Variants in GMDS observed in about 807,000 individuals in gnomAD.
GMDS encodes the protein GDP-mannose 4,6-dehydratase.
Under a neutral mutation model 49.9 loss-of-function variants are expected in GMDS, and 20 were observed. The observed-to-expected ratio is 0.40, with a 90% confidence interval of 0.28 to 0.58. The LOEUF (loss-of-function observed/expected upper bound fraction) is 0.58, where lower values mean the gene tolerates loss of function less well. Among genes scored for constraint, GMDS ranks in the 20% least tolerant of loss-of-function variants. The pLI, the probability that GMDS is intolerant of heterozygous loss-of-function variation, is 0.42. For missense variants in GMDS, 362 were observed against 481.4 expected (o/e 0.75, Z 2.32); for synonymous variants, 177 against 178.6 (o/e 0.99, Z 0.07).
intron 9 of GMDS, among the ~76,000 whole-genome samples, chr6:1,674,365 T>C (rs1581441807): frequency 6.6e-6 from 1 of 152,090 alleles, no homozygotes; most frequent in South Asian, 2.1e-4. Flanking sequence ...AGGTTGTTCA[T>C]TTTCTTGTGG....
intron 1 of GMDS, among the ~76,000 whole-genome samples, chr6:2,183,185 G>T (rs1778632657): frequency 3.9e-5 from 6 of 152,098 alleles, no homozygotes; most frequent in Non-Finnish European, 8.8e-5. Flanking sequence ...TTTAAGAAAT[G>T]CATTTTTCTT....
intron 7 of GMDS, among the ~76,000 whole-genome samples, chr6:1,752,155 T>G (rs1343277893): frequency 6.6e-6 from 1 of 152,120 alleles, no homozygotes; most frequent in Non-Finnish European, 1.5e-5. Flanking sequence ...TTAGATGAAT[T>G]GCTAACTAGA....
At chr6:1,925,667 G>A (rs1474910926) in intron 7 of GMDS, among the ~76,000 whole-genome samples, 1 of 152,184 alleles carries the variant, frequency 6.6e-6, no homozygotes, top group East Asian at 1.9e-4. Context: ...TTCATCTGAA[G>A]GTTTACTAAA....
At position 1,632,751 on chromosome 6, in the gene GMDS, T is replaced by C. The variant is rs531129452; in HGVS notation, c.988-8211A>G. Among the ~76,000 whole-genome samples, 5 of 152,280 alleles carry C rather than the reference T, an allele frequency of 3.3e-5. No individual in the cohort carries two copies. In the South Asian group the frequency reaches 1.0e-3, roughly 32 times the overall value. ...AAAATTAGCTGGGTGTGGTGGCACT[T>C]GCCTGTGGTCCCAGCTACTTGGGAG... On this transcript the variant is annotated intron_variant, in intron 9 of 10. Transcript: ENST00000380815.
rs1014451433 is a variant in GMDS at position 1,784,856 on chromosome 6, G to A, written c.772-42270C>T. On this transcript the variant is annotated intron_variant, in intron 7 of 10. Transcript: ENST00000380815. ...CAAGCTACAACTGTTATGCCTTTGC[G>A]GATCTGACTGAGGGAGCACTGCAGA... Among the ~76,000 whole-genome samples, 9 of 152,280 alleles carry A rather than the reference G, an allele frequency of 5.9e-5. No individual in the cohort carries two copies. The South Asian group carries it at 1.2e-3, about 21-fold the overall frequency.
intron 4 of GMDS, among the ~76,000 whole-genome samples, chr6:2,114,804 C>T (rs189795555): frequency 4.5e-4 from 69 of 152,190 alleles, no homozygotes; most frequent in African/African-American, 1.6e-3. Flanking sequence ...TTATCTAGTT[C>T]ATGATTTCTT....
At chr6:1,941,782 T>A (rs1297910241) in intron 6 of GMDS, among the ~76,000 whole-genome samples, 1 of 152,008 alleles carries the variant, frequency 6.6e-6, no homozygotes, top group Non-Finnish European at 1.5e-5. Context: ...AAGGAGGTGG[T>A]AGCAGACAGG....
intron 4 of GMDS, among the ~76,000 whole-genome samples, chr6:2,022,247 C>T (rs1000351914): frequency 6.8e-6 from 1 of 147,642 alleles, no homozygotes; most frequent in Admixed American, 6.9e-5. Context: ...AAATTTAAAG[C>T]AAATATATCA....
intron 7 of GMDS, among the ~76,000 whole-genome samples, chr6:1,832,958 G>A (rs1163522498): frequency 6.6e-6 from 1 of 151,920 alleles, no homozygotes; most frequent in Non-Finnish European, 1.5e-5. Flanking sequence ...AAAACATTCA[G>A]GCCACACGAG....
chr6:1,922,279 T>C (rs1761752815), intron 7 of GMDS, among the ~76,000 whole-genome samples: 1 of 152,242 alleles, frequency 6.6e-6, no homozygotes. Flanking sequence ...ATGAGACAGA[T>C]ACAACCTCAC....
At chr6:2,022,006 T>G (rs184579790) in intron 4 of GMDS, among the ~76,000 whole-genome samples, 1 of 152,240 alleles carries the variant, frequency 6.6e-6, no homozygotes, top group Non-Finnish European at 1.5e-5. Context: ...AGCCAAAGGA[T>G]GAGAAAAGCT....
At chr6:1,762,864 TCGAGA>T (rs1768214198) in intron 7 of GMDS, among the ~76,000 whole-genome samples, 2 of 152,220 alleles carry the variant, frequency 1.3e-5, no homozygotes, top group Admixed American at 1.3e-4. Flanking sequence ...TTTCTTTGCT[TCGAGA>T]CATTAGGGAA....
intron 7 of GMDS, among the ~76,000 whole-genome samples, chr6:1,828,050 C>G (rs977057640): frequency 6.6e-6 from 1 of 151,806 alleles, no homozygotes; most frequent in Non-Finnish European, 1.5e-5. Flanking sequence ...TGGACAAAGA[C>G]AGGAAAACAA....
chr6:2,025,656 C>G (rs1290385254), intron 4 of GMDS, among the ~76,000 whole-genome samples: 1 of 152,018 alleles, frequency 6.6e-6, no homozygotes, highest in Non-Finnish European at 1.5e-5. Context: ...TTTCCTAATA[C>G]TTGTACCTTA....
At chr6:2,124,398 A>G (rs1252373772) in intron 2 of GMDS, among the ~76,000 whole-genome samples, 1 of 152,212 alleles carries the variant, frequency 6.6e-6, no homozygotes, top group Non-Finnish European at 1.5e-5. Flanking sequence ...AACCCGAATC[A>G]TGTTACAGCT....
At chr6:1,948,010 A>G (rs1395830665) in intron 6 of GMDS, among the ~76,000 whole-genome samples, 2 of 152,228 alleles carry the variant, frequency 1.3e-5, no homozygotes, top group Non-Finnish European at 2.9e-5. Context: ...GGACATTAGC[A>G]GCAGTGATGG....
intron 4 of GMDS, among the ~76,000 whole-genome samples, chr6:2,058,625 G>A (rs1196643533): frequency 2.0e-5 from 3 of 152,200 alleles, no homozygotes; most frequent in South Asian, 2.1e-4. Flanking sequence ...TTCCTGGGAA[G>A]GGATGTGGAG....
chr6:2,125,401 T>G (rs569143671), intron 1 of GMDS, among the ~76,000 whole-genome samples: 24 of 152,242 alleles, frequency 1.6e-4, no homozygotes, highest in African/African-American at 5.5e-4. Flanking sequence ...ACTGTTGTAT[T>G]ACAGGTGTGA....
intron 7 of GMDS, among the ~76,000 whole-genome samples, chr6:1,789,746 C>T (rs1217884420): frequency 1.3e-5 from 2 of 151,960 alleles, no homozygotes; most frequent in African/African-American, 2.4e-5. Context: ...CACTATGTTG[C>T]CCAGGATAGT....
Sources: allele counts gnomAD v4.1 joint callset (sites outside exome capture counted in the v4.1 genomes callset), GRCh38; gene constraint gnomAD v4.1.1; transcripts MANE v1.5; gene names NCBI Gene and HGNC (gene_info 2026-07-23, HGNC 2026-07-21).